Variants in PDE4D observed in about 807,000 individuals in gnomAD.
PDE4D encodes the protein 3',5'-cyclic-AMP phosphodiesterase 4D.
A neutral mutation model predicts 87.4 loss-of-function variants in PDE4D; 24 were observed. The ratio of observed to expected loss-of-function variants is 0.27; its 90% CI spans 0.20 to 0.39. PDE4D has a LOEUF of 0.39. Among genes scored for constraint, PDE4D ranks in the 10% least tolerant of loss-of-function variants. PDE4D has a pLI of 1.00. For missense variants in PDE4D, 714 were observed against 1,041.0 expected (o/e 0.69, Z 4.32); for synonymous variants, 384 against 383.2 (o/e 1.00, Z -0.02).
At chr5:60,205,445 C>T (rs1273557211) in intron 1 of PDE4D, among the ~76,000 whole-genome samples, 1 of 152,106 alleles carries the variant, frequency 6.6e-6, no homozygotes, top group Non-Finnish European at 1.5e-5. Flanking sequence ...AATTCTGATA[C>T]CACAAAATCT....
intron 1 of PDE4D, among the ~76,000 whole-genome samples, chr5:60,380,326 A>G (rs1372351679): frequency 6.6e-6 from 1 of 152,192 alleles, no homozygotes; most frequent in African/African-American, 2.4e-5. Context: ...AAGTTGATAG[A>G]TTATATTACT....
intron 2 of PDE4D, among the ~76,000 whole-genome samples, chr5:60,053,689 A>T (rs968494596): frequency 1.3e-5 from 2 of 152,232 alleles, no homozygotes; most frequent in Admixed American, 6.5e-5. Context: ...AAATTGACAA[A>T]TGGAATCTAA....
At chr5:60,332,331 C>A (rs75177416) in intron 1 of PDE4D, among the ~76,000 whole-genome samples, 4 of 152,204 alleles carry the variant, frequency 2.6e-5, no homozygotes, top group African/African-American at 7.2e-5. Flanking sequence ...CCCTTGCCCC[C>A]CTCCCTCTCT....
intron 1 of PDE4D, among the ~76,000 whole-genome samples, chr5:60,330,593 C>G (rs749648119): frequency 1.3e-5 from 2 of 152,184 alleles, no homozygotes; most frequent in Non-Finnish European, 1.5e-5. Context: ...ACAGCCCAGA[C>G]AAGCAGGGCC....
At chr5:59,400,998 G>T (rs939125443) in intron 1 of PDE4D, among the ~76,000 whole-genome samples, 1 of 152,176 alleles carries the variant, frequency 6.6e-6, no homozygotes, top group African/African-American at 2.4e-5. Context: ...ATGCTCCAAA[G>T]TCTAAAACTT....
chr5:59,191,811 TCCAC>T (rs1744383322), intron 3 of PDE4D, among the ~76,000 whole-genome samples: 1 of 152,140 alleles, frequency 6.6e-6, no homozygotes, highest in South Asian at 2.1e-4. Context: ...CCTCAGGTGA[TCCAC>T]CCACCTCAGC....
chr5:59,388,639 A>G (rs1429199846), intron 1 of PDE4D, among the ~76,000 whole-genome samples: 1 of 151,744 alleles, frequency 6.6e-6, no homozygotes, highest in Admixed American at 6.6e-5. Flanking sequence ...ACACACACAC[A>G]CACACACACT....
At chr5:59,459,219 C>T (rs538063134) in intron 1 of PDE4D, among the ~76,000 whole-genome samples, 13 of 152,266 alleles carry the variant, frequency 8.5e-5, no homozygotes, top group African/African-American at 3.1e-4. Flanking sequence ...AACTTTTTCT[C>T]CTTACCCTGT....
intron 1 of PDE4D, among the ~76,000 whole-genome samples, chr5:59,518,936 T>C (rs1811682029): frequency 6.6e-6 from 1 of 152,232 alleles, no homozygotes; most frequent in South Asian, 2.1e-4. Flanking sequence ...ATCCAGATAA[T>C]GTTGCCTTCG....
chr5:59,698,068 T>A (rs1392428925), intron 1 of PDE4D, among the ~76,000 whole-genome samples: 2 of 152,116 alleles, frequency 1.3e-5, no homozygotes, highest in East Asian at 3.9e-4. Context: ...ATATGGCAAA[T>A]GTTACAAAAA....
At chr5:60,211,469 G>A (rs1288094955) in intron 1 of PDE4D, among the ~76,000 whole-genome samples, 2 of 148,178 alleles carry the variant, frequency 1.3e-5, no homozygotes, top group African/African-American at 5.0e-5. Flanking sequence ...GTGGGGTAGG[G>A]AATATATATA....
At chr5:59,388,510 T>G (rs1291563278) in intron 1 of PDE4D, among the ~76,000 whole-genome samples, 1 of 151,934 alleles carries the variant, frequency 6.6e-6, no homozygotes, top group Non-Finnish European at 1.5e-5. Context: ...GGAAGTGAAA[T>G]CAGTGTGTCA....
chr5:59,635,279 A>G (rs1832090155), intron 1 of PDE4D, among the ~76,000 whole-genome samples: 1 of 152,212 alleles, frequency 6.6e-6, no homozygotes, highest in African/African-American at 2.4e-5. Flanking sequence ...CCAGGACCAG[A>G]TGAATTCACA....
At chr5:60,460,167 T>G (rs1746811437) in intron 1 of PDE4D, 2 of 1,586,986 alleles carry the variant, frequency 1.3e-6, no homozygotes, top group African/African-American at 2.7e-5. Flanking sequence ...GCATTTGACT[T>G]GAACATTTCA....
chr5:60,517,956 C>G (rs1311592197), intron 1 of PDE4D, among the ~76,000 whole-genome samples: 1 of 152,238 alleles, frequency 6.6e-6, no homozygotes, highest in Non-Finnish European at 1.5e-5. Context: ...TCAGGGAGCC[C>G]AGACCTGGGA....
Position 59,143,218 on chromosome 5 carries a change from T to TTCCC in PDE4D, c.808+37373_808+37376dup, listed in dbSNP as rs145153684. 2.8e-3 allele frequency among the ~76,000 whole-genome samples: 410 copies of TTCCC among 145,404 alleles called. 2 individuals carry two copies. The highest frequency in any genetic ancestry group is 9.7e-3 in the African/African-American group (391 of 40,140). ...CCTCCCTCTTTTCCTTCTTTCTTCC[T>TTCCC]TCCCTCCCTCCCTTCTCATCTTGGA... On this transcript the variant is annotated intron_variant, in intron 5 of 14. Transcript: ENST00000340635.
At chr5:59,042,000 G>C (rs1466135053) in intron 5 of PDE4D, among the ~76,000 whole-genome samples, 1 of 152,114 alleles carries the variant, frequency 6.6e-6, no homozygotes, top group African/African-American at 2.4e-5. Context: ...TTGACAGACA[G>C]GATTTGAGTA....
At chr5:59,733,753 C>T (rs1445773275) in intron 1 of PDE4D, among the ~76,000 whole-genome samples, 1 of 151,910 alleles carries the variant, frequency 6.6e-6, no homozygotes, top group African/African-American at 2.4e-5. Flanking sequence ...CTCTTTCTTC[C>T]CTTCTTCTTC....
intron 1 of PDE4D, among the ~76,000 whole-genome samples, chr5:59,827,038 A>G (rs2152693428): frequency 6.6e-6 from 1 of 152,198 alleles, no homozygotes; most frequent in South Asian, 2.1e-4. Context: ...TGGGGATATG[A>G]TTAATTTTCA....
Sources: allele counts gnomAD v4.1 joint callset (sites outside exome capture counted in the v4.1 genomes callset), GRCh38; gene constraint gnomAD v4.1.1; transcripts MANE v1.5; gene names NCBI Gene and HGNC (gene_info 2026-07-23, HGNC 2026-07-21).